The following PHF20L1 variants were observed in gnomAD, a reference collection of about 807,000 sequenced individuals.
The protein encoded by PHF20L1 is PHD finger protein 20-like protein 1.
In PHF20L1, 44 loss-of-function variants were observed where a neutral mutation model predicts 125.5. That is an observed-to-expected ratio of 0.35 (90% confidence interval 0.28 to 0.45). The LOEUF (loss-of-function observed/expected upper bound fraction) is 0.45, where lower values mean the gene tolerates loss of function less well. PHF20L1 is among the 20% of genes least tolerant of loss of function. PHF20L1 has a pLI of 1.00. For synonymous variants in PHF20L1, 380 were observed against 403.1 expected (o/e 0.94, Z 0.69); for missense variants, 1,012 against 1,217.2 (o/e 0.83, Z 2.51).
intron 13 of PHF20L1, chr8:132,824,558 C>A (rs891957338): frequency 6.4e-6 from 1 of 156,596 alleles, no homozygotes; most frequent in South Asian, 1.9e-4. Flanking sequence ...GAAAGTTGGT[C>A]AAATATGTTG....
rs892096432 is a variant in PHF20L1 at position 132,847,566 on chromosome 8, T to G, written c.*1643T>G. ...AGGGTACTGTATGTAAAACTCTGTATTAAAACTATTCCACATATCCTAAAA... is the reference window on the plus strand; with the variant it reads ...AGGGTACTGTATGTAAAACTCTGTAGTAAAACTATTCCACATATCCTAAAA... On this transcript the variant is annotated 3_prime_UTR_variant, in exon 21 of 21. Transcript: ENST00000395386. 6.6e-6 allele frequency: 1 copy of G among 152,624 alleles called. No homozygotes were observed. The highest frequency in any genetic ancestry group is 1.5e-5 in the Non-Finnish European group (1 of 68,016). 9.5% of individuals were successfully genotyped at this position (152,624 alleles called of 1,614,324 possible).
At chr8:132,806,489 A>G (rs1173489689) in intron 8 of PHF20L1, 1 of 152,068 alleles carries the variant, frequency 6.6e-6, no homozygotes, top group East Asian at 1.9e-4. Context: ...GCAGCAGAGC[A>G]TAAGATTTTA....
At position 132,825,284 on chromosome 8, in the gene PHF20L1, A is replaced by G. The variant is rs1393561472; in HGVS notation, c.1657A>G (p.Lys553Glu). The G allele has an allele frequency of 1.3e-6, 2 of 1,560,338 alleles. No homozygotes were observed. The highest frequency in any genetic ancestry group is 1.8e-6 in the Non-Finnish European group (2 of 1,135,750). The stretch of plus-strand genomic sequence containing the variant: ...TTTAGGTAAGAGAAAAGAAAAAGAT[A>G]AGGAAAGAAGAGAGAAGAGAGACAA... ...TAFGKRKEKD[K>E]ERREKRDKDH... is the part of the protein sequence containing the mutation. The change falls in exon 14 of 21, where the codon AAG becomes GAG. Residue 553 changes from lysine (K) to glutamate (E), a missense_variant. Transcript: ENST00000395386.
Position 132,842,640 on chromosome 8 carries a change from A to T in PHF20L1, c.2513A>T (p.Tyr838Phe). The change falls in exon 19 of 21, where the codon TAT (tyrosine) becomes TTT (phenylalanine). Residue 838 changes from tyrosine (Y) to phenylalanine (F), a missense_variant. By Grantham distance (22) the Tyr-to-Phe change is conservative (BLOSUM62 3). This residue lies in a region of PHF20L1 where 277 missense variants were observed against 283.6 expected (regional missense o/e 0.98). Transcript: ENST00000395386. Reference sequence around the variant, plus strand: ...ACAGTTAATCGAGAAGAAAAGAAATATGTACAGAACCATAAAGAACCACCT... The same window carrying T: ...ACAGTTAATCGAGAAGAAAAGAAATTTGTACAGAACCATAAAGAACCACCT... ...QDTVNREEKKYVQNHKEPPRL... is the reference protein window; with the variant it reads ...QDTVNREEKKFVQNHKEPPRL... The T allele has an allele frequency of 6.2e-7, 1 of 1,613,280 alleles. No homozygotes were observed. Among genetic ancestry groups the T allele is most frequent in the South Asian group, 1.1e-5 (1 of 91,042 alleles).
chr8:132,829,556 G>A (rs1281398062), intron 14 of PHF20L1, among the ~76,000 whole-genome samples: 1 of 152,062 alleles, frequency 6.6e-6, no homozygotes, highest in Non-Finnish European at 1.5e-5. Context: ...AGTCAGAATA[G>A]CGTAGTGCTG....
intron 13 of PHF20L1, chr8:132,824,743 T>C (rs986054902): frequency 5.9e-6 from 1 of 169,358 alleles, no homozygotes; most frequent in Non-Finnish European, 1.3e-5. Context: ...TATATTTTTT[T>C]TTCCTCGTGT....
In PHF20L1 at chr8:132,842,618, G is replaced by C. The variant is rs375578390; in HGVS notation, c.2491G>C (p.Val831Leu). ...GGAGAAAAAAATAGCTCAAGACACA[G>C]TTAATCGAGAAGAAAAGAAATATGT... ...GVEKKIAQDT[V>L]NREEKKYVQN... Residue 831 changes from valine to leucine, a missense_variant, in exon 19 of 21, where the codon GTT becomes CTT. This residue lies in a region of PHF20L1 where 277 missense variants were observed against 283.6 expected (regional missense o/e 0.98). Transcript: ENST00000395386. The C allele has an allele frequency of 1.0e-4, 167 of 1,613,018 alleles. No individual in the cohort carries two copies. Among genetic ancestry groups the C allele is most frequent in the Non-Finnish European group, 1.4e-4 (166 of 1,179,572 alleles).
At chr8:132,793,839 A>G (rs746705233) in intron 2 of PHF20L1, among the ~76,000 whole-genome samples, 22 of 152,202 alleles carry the variant, frequency 1.4e-4, no homozygotes, top group Non-Finnish European at 3.2e-4. Flanking sequence ...ATATAAAGAC[A>G]GTGTACATGC....
chr8:132,816,626 G>A, intron 10 of PHF20L1: 1 of 328,646 alleles, frequency 3.0e-6, no homozygotes, highest in Admixed American at 4.5e-5. Context: ...TGTCACTTGG[G>A]GGAGCTACTT....
chr8:132,811,873 T>A (rs1834430349), intron 9 of PHF20L1: 1 of 978,236 alleles, frequency 1.0e-6, no homozygotes, highest in African/African-American at 1.8e-5. Flanking sequence ...GTAGTTTTAA[T>A]ATATCCTTTT....
intron 2 of PHF20L1, among the ~76,000 whole-genome samples, chr8:132,787,842 A>G (rs1831231211): frequency 6.6e-6 from 1 of 152,104 alleles, no homozygotes; most frequent in Non-Finnish European, 1.5e-5. Context: ...GGATACAAGA[A>G]TATTTTGTTT....
chr8:132,777,925 A>G lies in PHF20L1; in HGVS notation c.83+14A>G. The G allele has an allele frequency of 6.6e-7, 1 of 1,503,940 alleles. No individual in the cohort carries two copies. The highest frequency in any genetic ancestry group is 1.1e-5 in the South Asian group (1 of 88,432). 93.2% of individuals were successfully genotyped at this position (1,503,940 alleles called of 1,614,324 possible). The stretch of plus-strand genomic sequence containing the variant: ...CTTACAAAAATGGTATGGAAAATAT[A>G]GAACTTTCACCTAAATATCACAATA... On this transcript the variant is annotated intron_variant, in intron 2 of 20. Coordinates refer to ENST00000395386, the MANE Select transcript of PHF20L1 (RefSeq NM_016018.5).
chr8:132,800,757 A>C lies in PHF20L1; in HGVS notation c.507+1585A>C, dbSNP rs1024927737. Among the ~76,000 whole-genome samples, 10 of 151,756 alleles carry C rather than the reference A, an allele frequency of 6.6e-5. No individual in the cohort carries two copies. In the East Asian group the frequency reaches 1.9e-3, roughly 29 times the overall value. ...TTTTTGACTTTGAACCCGTTGGTTA[A>C]TACTGGATAAACTTCTGCTTGCATT... On this transcript the variant is annotated intron_variant, in intron 6 of 20. Transcript: ENST00000395386.
intron 8 of PHF20L1, chr8:132,807,671 C>G (rs1210396962): frequency 4.4e-6 from 2 of 450,786 alleles, no homozygotes; most frequent in African/African-American, 4.0e-5. Flanking sequence ...CTTTGTTCCC[C>G]TTTCCCATTC....
rs199999142 is a variant in PHF20L1, at chr8:132,794,593, G to A, written c.255+12G>A. The A allele has an allele frequency of 2.0e-4, 323 of 1,591,764 alleles. 1 individual carries two copies. In the African/African-American group the frequency reaches 4.1e-3, roughly 20 times the overall value. On this transcript the variant is annotated intron_variant, in intron 3 of 20. Transcript: ENST00000395386. ...AGGAAGATTTCTTTGTAAGTAGCAA[G>A]TTTTTTCTGTTTGCTAGTTTTGCCA...
chr8:132,817,359 C>T lies in PHF20L1; in HGVS notation c.1393C>T (p.Pro465Ser). The stretch of plus-strand genomic sequence containing the variant: ...TGTAGTGCCTGATGTTGCACATTTG[C>T]CACTTGAGAAGCTGGGACCCTGTCT... ...VPEVPDVAHL[P>S]LEKLGPCLPL... The change falls in exon 12 of 21, where the codon CCA becomes TCA. Residue 465 changes from proline to serine, a missense_variant. This residue lies in a region of PHF20L1 where 320 missense variants were observed against 293.8 expected (regional missense o/e 1.09). Coordinates refer to ENST00000395386, the MANE Select transcript of PHF20L1 (RefSeq NM_016018.5). 1 of 1,612,106 alleles carries T rather than the reference C, an allele frequency of 6.2e-7. No individual in the cohort carries two copies. Among genetic ancestry groups the T allele is most frequent in the South Asian group, 1.1e-5 (1 of 91,018 alleles).
intron 8 of PHF20L1, chr8:132,806,942 A>G (rs978830483): frequency 1.3e-5 from 2 of 152,020 alleles, no homozygotes; most frequent in African/African-American, 4.8e-5. Flanking sequence ...TATATTTATC[A>G]TTCTTTCTAT....
intron 1 of PHF20L1, among the ~76,000 whole-genome samples, chr8:132,777,375 A>G (rs1829932561): frequency 6.6e-6 from 1 of 152,114 alleles, no homozygotes. Flanking sequence ...TTAAAAATTG[A>G]TTTTGTTCTC....
chr8:132,835,134 GTTC>G, intron 15 of PHF20L1, among the ~76,000 whole-genome samples: 1 of 152,170 alleles, frequency 6.6e-6, no homozygotes, highest in East Asian at 1.9e-4. Context: ...TCTCTCCTTA[GTTC>G]TTCTACAAAC....
Sources: allele counts gnomAD v4.1 joint callset (sites outside exome capture counted in the v4.1 genomes callset), GRCh38; gene constraint gnomAD v4.1.1; regional missense constraint gnomAD v4.1.1; transcripts MANE v1.5; gene names NCBI Gene and HGNC (gene_info 2026-07-23, HGNC 2026-07-21).